The following CDK5RAP1 variants were observed in gnomAD, a reference collection of about 807,000 sequenced individuals.
The protein encoded by CDK5RAP1 is CDK5RAP1 mitochondrial tRNA methylthiotransferase, also known as mitochondrial tRNA methylthiotransferase CDK5RAP1.
A neutral mutation model predicts 64.5 loss-of-function variants in CDK5RAP1; 62 were observed. The ratio of observed to expected loss-of-function variants is 0.96; its 90% CI spans 0.78 to 1.19. The LOEUF (loss-of-function observed/expected upper bound fraction) is 1.19. CDK5RAP1 is among the 50% of genes most tolerant of loss of function. The probability of loss-of-function intolerance (pLI) is 0.00; values close to 1 mark genes in which losing one functional copy is unlikely to be tolerated. For synonymous variants in CDK5RAP1, 250 were observed against 261.9 expected (o/e 0.95, Z 0.44); for missense variants, 657 against 735.0 (o/e 0.89, Z 1.23).
intron 7 of CDK5RAP1, among the ~76,000 whole-genome samples, chr20:33,380,459 C>A (rs1433811710): frequency 6.6e-6 from 1 of 152,154 alleles, no homozygotes; most frequent in Admixed American, 6.6e-5. Context: ...ACCTCAGCCT[C>A]CCAAAGTGTC....
intron 12 of CDK5RAP1, among the ~76,000 whole-genome samples, chr20:33,363,526 G>C (rs138819836): frequency 0.021 from 3,261 of 152,094 alleles, 228 homozygotes; most frequent in Admixed American, 0.14. Context: ...ATGATTCAAG[G>C]GGAAAAAAAG....
In CDK5RAP1 at chr20:33,360,387, C is replaced by T; in HGVS notation, c.1647G>A (p.Arg549=). The T allele has an allele frequency of 1.9e-6, 3 of 1,613,924 alleles. No homozygotes were observed. The South Asian group carries it at 3.3e-5, about 18-fold the overall frequency. ...EMEDVNNPGL[R]VRAQPGDYVL... is the part of the protein sequence containing the mutation. Reference sequence around the variant, plus strand: ...CATAGTCCCCAGGCTGGGCTCTGACCCTGAGCCCAGGGTTATTGACATCCT... The same window carrying T: ...CATAGTCCCCAGGCTGGGCTCTGACTCTGAGCCCAGGGTTATTGACATCCT... Residue 549 remains arginine, a synonymous_variant, in exon 13 of 14, where the codon AGG becomes AGA. Transcript: ENST00000346416.
rs1568702821 is a variant in CDK5RAP1, at chr20:33,379,496, A to G, written c.1072T>C (p.Phe358Leu). 1 of 1,613,970 alleles carries G rather than the reference A, an allele frequency of 6.2e-7. No individual in the cohort carries two copies. Reference sequence around the variant, plus strand: ...AAATCCTTGGGGTGGGGAGAGGTAAAACGGATCCTCATTTCAGGATCTACT... The same window carrying G: ...AAATCCTTGGGGTGGGGAGAGGTAAGACGGATCCTCATTTCAGGATCTACT... ...SRVDPEMRIR[F>L]TSPHPKDFPD... Residue 358 changes from phenylalanine to leucine, a missense_variant, in exon 8 of 14, where the codon TTT (phenylalanine) becomes CTT (leucine). Transcript: ENST00000346416.
intron 12 of CDK5RAP1, among the ~76,000 whole-genome samples, chr20:33,366,012 T>G (rs900063240): frequency 3.3e-5 from 5 of 152,130 alleles, no homozygotes; most frequent in Non-Finnish European, 5.9e-5. Context: ...AATGGCTATG[T>G]TGGATGAATA....
At chr20:33,368,768 G>A (rs372181931) in intron 11 of CDK5RAP1, among the ~76,000 whole-genome samples, 2 of 152,234 alleles carry the variant, frequency 1.3e-5, no homozygotes, top group African/African-American at 2.4e-5. Context: ...CTACTCGGGA[G>A]GCTGAGGCAG....
intron 12 of CDK5RAP1, among the ~76,000 whole-genome samples, chr20:33,363,353 A>G (rs1404144249): frequency 1.3e-5 from 2 of 152,198 alleles, no homozygotes; most frequent in Non-Finnish European, 2.9e-5. Flanking sequence ...ACTGGAGGAA[A>G]CTTACATGGG....
At chr20:33,373,149 CGTGTGT>C (rs148856565) in intron 9 of CDK5RAP1, 2 of 138,862 alleles carry the variant, frequency 1.4e-5, no homozygotes, top group Non-Finnish European at 3.0e-5. Flanking sequence ...CCATGTTGCC[CGTGTGT>C]GTGTGTGTGT....
chr20:33,379,537 A>T lies in CDK5RAP1; in HGVS notation c.1031T>A (p.Leu344Gln). 6.2e-7 allele frequency: 1 copy of T among 1,614,142 alleles called. No individual in the cohort carries two copies. The highest frequency in any genetic ancestry group is 8.5e-7 in the Non-Finnish European group (1 of 1,180,004). Reference protein sequence around the residue: ...KQGGLRFAHLLDQVSRVDPEM... With the variant: ...KQGGLRFAHLQDQVSRVDPEM... The stretch of plus-strand genomic sequence containing the variant: ...AGGATCTACTCTGGAGACCTGATCC[A>T]GAAGATGAGCAAAACGAAGTCCTCC... Residue 344 changes from leucine to glutamine, a missense_variant, in exon 8 of 14, where the codon CTG becomes CAG. By Grantham distance (113) the Leu-to-Gln change is moderately radical. Coordinates refer to ENST00000346416, the MANE Select transcript of CDK5RAP1 (RefSeq NM_016408.4).
chr20:33,401,455 T>C lies in CDK5RAP1; in HGVS notation c.-48A>G. ...CCCGCAGCAGCAACAGTGCCCGGGG[T>C]CCCGCAGCGTAAGTTCTGCCGGCAA... On this transcript the variant is annotated 5_prime_UTR_variant, in exon 1 of 14. Coordinates refer to ENST00000346416, the MANE Select transcript of CDK5RAP1 (RefSeq NM_016408.4). The C allele has an allele frequency of 3.0e-6, 3 of 985,410 alleles. No homozygotes were observed. In the South Asian group the frequency reaches 1.4e-4, roughly 46 times the overall value. 61.0% of individuals were successfully genotyped at this position (985,410 alleles called of 1,614,324 possible).
intron 5 of CDK5RAP1, among the ~76,000 whole-genome samples, chr20:33,388,769 C>T (rs1262149451): frequency 3.9e-5 from 6 of 152,060 alleles, no homozygotes; most frequent in African/African-American, 7.2e-5. Flanking sequence ...CGATTGCAGG[C>T]GCGCGCCGCC....
At chr20:33,377,994 T>G (rs1986231996) in intron 8 of CDK5RAP1, among the ~76,000 whole-genome samples, 1 of 152,228 alleles carries the variant, frequency 6.6e-6, no homozygotes, top group African/African-American at 2.4e-5. Flanking sequence ...GTTGTTTTCT[T>G]ATCATTCATG....
At chr20:33,382,653 C>A (rs918848614) in intron 7 of CDK5RAP1, among the ~76,000 whole-genome samples, 2 of 151,972 alleles carry the variant, frequency 1.3e-5, no homozygotes, top group Non-Finnish European at 2.9e-5. Flanking sequence ...TGCACTCCAG[C>A]ATGGGCAAAA....
chr20:33,383,972 A>G (rs2146669748), intron 7 of CDK5RAP1, among the ~76,000 whole-genome samples: 1 of 152,310 alleles, frequency 6.6e-6, no homozygotes, highest in South Asian at 2.1e-4. Flanking sequence ...GCTGGGGCAG[A>G]GGGGTCATTA....
chr20:33,395,270 C>T (rs1180093245), intron 2 of CDK5RAP1, among the ~76,000 whole-genome samples, 154 bp from the exon 3 acceptor site: 2 of 151,964 alleles, frequency 1.3e-5, no homozygotes, highest in Non-Finnish European at 2.9e-5. Flanking sequence ...ACATAAATTG[C>T]CAGATGTACC....
chr20:33,364,948 G>A (rs2146587189), intron 12 of CDK5RAP1, among the ~76,000 whole-genome samples: 1 of 151,626 alleles, frequency 6.6e-6, no homozygotes, highest in African/African-American at 2.4e-5. Context: ...GAGTAAGGTG[G>A]CACAATCTCA....
intron 4 of CDK5RAP1, 122 bp from the exon 5 acceptor site, chr20:33,392,364 T>A: frequency 2.2e-6 from 1 of 462,060 alleles, no homozygotes. Flanking sequence ...TTTTCCAACC[T>A]GCAGCCCACG....
In CDK5RAP1 at chr20:33,363,404, C is replaced by T. The variant is rs114670298; in HGVS notation, c.1543-2913G>A. ...GGTAGTAATCTAACAAGGTTAATTT[C>T]CTGATTTTCATAGTTGTACTACAGT... On this transcript the variant is annotated intron_variant, in intron 12 of 13. Coordinates refer to ENST00000346416, the MANE Select transcript of CDK5RAP1 (RefSeq NM_016408.4). Among the ~76,000 whole-genome samples the T allele has an allele frequency of 9.8e-3, 1,485 of 152,214 alleles. 16 individuals carry two copies. Among genetic ancestry groups the T allele is most frequent in the African/African-American group, 0.033 (1,368 of 41,536 alleles).
intron 7 of CDK5RAP1, among the ~76,000 whole-genome samples, chr20:33,384,413 T>C (rs556721756): frequency 6.6e-6 from 1 of 152,232 alleles, no homozygotes; most frequent in Non-Finnish European, 1.5e-5. Context: ...GTTTTGGTAC[T>C]GAGGGAGAGC....
At chr20:33,360,550 T>TTCTCCAAG in intron 12 of CDK5RAP1, 59 bp from the exon 13 acceptor site, 1 of 1,498,052 alleles carries the variant, frequency 6.7e-7, no homozygotes, top group Non-Finnish European at 9.1e-7. Flanking sequence ...TCTTGGAGGG[T>TTCTCCAAG]AGAAACTGTG....
Sources: allele counts gnomAD v4.1 joint callset (sites outside exome capture counted in the v4.1 genomes callset), GRCh38; gene constraint gnomAD v4.1.1; transcripts MANE v1.5; gene names NCBI Gene and HGNC (gene_info 2026-07-23, HGNC 2026-07-21).